The following VSIG10L2 variants were observed in gnomAD, a reference collection of about 807,000 sequenced individuals.
VSIG10L2 encodes the protein V-set and immunoglobulin domain containing 10 like 2.
In VSIG10L2, 56 loss-of-function variants were observed where a neutral mutation model predicts 67.1. The ratio of observed to expected loss-of-function variants is 0.83; its 90% confidence interval spans 0.67 to 1.04. The LOEUF (loss-of-function observed/expected upper bound fraction) is 1.04, where lower values mean the gene tolerates loss of function less well. Ranked by LOEUF, VSIG10L2 falls within the 50% of genes least tolerant of loss-of-function variation. VSIG10L2 has a pLI of 0.00. For synonymous variants in VSIG10L2, 360 were observed against 396.6 expected (o/e 0.91, Z 1.10); for missense variants, 843 against 932.8 (o/e 0.90, Z 1.25).
chr11:125,950,018 T>C lies in VSIG10L2; in HGVS notation c.714T>C (p.Gly238=). 1 of 1,232,336 alleles carries C rather than the reference T, an allele frequency of 8.1e-7. No homozygotes were observed. The highest frequency in any genetic ancestry group is 1.0e-6 in the Non-Finnish European group (1 of 988,122). 76.3% of individuals were successfully genotyped at this position (1,232,336 alleles called of 1,614,324 possible). Residue 238 remains glycine, a synonymous_variant, in exon 4 of 12, where the codon GGT becomes GGC. Coordinates refer to ENST00000686984, the MANE Select transcript of VSIG10L2 (RefSeq NM_001365077.2). ...CTGGCCTTCCTTGCTCTCCAGATGGTCCTGACAAGCCTGTGATCACCATGG... is the reference window on the plus strand; with the variant it reads ...CTGGCCTTCCTTGCTCTCCAGATGGCCCTGACAAGCCTGTGATCACCATGG... ...SDGAFLDVIY[G]PDKPVITMEP... is the part of the protein sequence containing the mutation.
In VSIG10L2 at chr11:125,951,970, C is replaced by G; in HGVS notation, c.1392C>G (p.Ala464=). 1 of 1,536,104 alleles carries G rather than the reference C, an allele frequency of 6.5e-7. No homozygotes were observed. Among genetic ancestry groups the G allele is most frequent in the Non-Finnish European group, 8.7e-7 (1 of 1,146,884 alleles). The change falls in exon 6 of 12, where the codon GCC becomes GCG. Residue 464 remains alanine (A), a synonymous_variant. Coordinates refer to ENST00000686984, the MANE Select transcript of VSIG10L2 (RefSeq NM_001365077.2). ...TGGGCGGCAGCAGCTCCTCGATGGC[C>G]GTTCACCTCCTGCAGGCCCAAGAAG... ...QPLGGSSSSM[A]VHLLQAQEDL...
chr11:125,954,524 C>T (rs1945424446), intron 8 of VSIG10L2, 141 bp downstream of exon 8: 2 of 637,716 alleles, frequency 3.1e-6, no homozygotes, highest in Admixed American at 8.7e-5. Flanking sequence ...CCGTCCTCCT[C>T]TCTCTCCACT....
chr11:125,946,129 G>A lies in VSIG10L2; in HGVS notation c.74G>A (p.Arg25Lys), dbSNP rs186636428. 1.5e-3 allele frequency: 580 copies of A among 399,020 alleles called. 2 individuals are homozygous for A. The highest frequency in any genetic ancestry group is 2.1e-3 in the Non-Finnish European group (472 of 226,088). The allele number at this position is 399,020 out of a possible 1,614,324, so 24.7% of individuals were successfully genotyped here. Residue 25 changes from arginine to lysine, a missense_variant, in exon 1 of 12, where the codon AGG (arginine) becomes AAG (lysine). Arg to Lys is a conservative substitution (Grantham distance 26, BLOSUM62 2). Transcript: ENST00000686984. This position sits in a 1 kb window ranked among gnomAD's most constrained non-coding sequence, Gnocchi z 4.4. ...ATACACCTCTGCCTTCTGCACCTGA[G>A]GGCCTCAGGTGAGTGATACTCAGAC... The part of the protein sequence containing the change: ...LLIHLCLLHL[R>K]ASGQPHPTPE...
chr11:125,946,577 A>G lies in VSIG10L2; in HGVS notation c.82+440A>G, dbSNP rs1161340317. ...TTTTTTGAGATGGAGTCTTGCTGTC[A>G]CCCAGGCTGGAGTGCAGTGGTGTGA... On this transcript the variant is annotated intron_variant, in intron 1 of 11. Coordinates refer to ENST00000686984, the MANE Select transcript of VSIG10L2 (RefSeq NM_001365077.2). The surrounding 1 kb of genome is among the most constrained non-coding windows in gnomAD (Gnocchi z 4.4). Among the ~76,000 whole-genome samples, 1 of 146,786 alleles carries G rather than the reference A, an allele frequency of 6.8e-6. No individual in the cohort carries two copies. Among genetic ancestry groups the G allele is most frequent in the East Asian group, 2.0e-4 (1 of 5,040 alleles).
Position 125,946,150 on chromosome 11 carries a change from C to T in VSIG10L2, c.82+13C>T, listed in dbSNP as rs1945301283. On this transcript the variant is annotated intron_variant, in intron 1 of 11. Transcript: ENST00000686984. This position sits in a 1 kb window ranked among gnomAD's most constrained non-coding sequence, Gnocchi z 4.4. ...CTGAGGGCCTCAGGTGAGTGATACT[C>T]AGACCCCCCAGGGGGTTCATTTCCC... The T allele has an allele frequency of 2.5e-6, 1 of 399,016 alleles. No homozygotes were observed. Among genetic ancestry groups the T allele is most frequent in the Non-Finnish European group, 4.4e-6 (1 of 226,098 alleles). 24.7% of individuals were successfully genotyped at this position (399,016 alleles called of 1,614,324 possible).
In VSIG10L2 at chr11:125,953,293, A is replaced by G. The variant is rs929643211; in HGVS notation, c.1496-107A>G. On this transcript the variant is annotated intron_variant, in intron 6 of 11. Transcript: ENST00000686984. Reference sequence around the variant, plus strand: ...TGGCCCCAGACAAGCCTCATTGTCAACTCCGCAGCTCTCCCGCTCCATCTC... The same window carrying G: ...TGGCCCCAGACAAGCCTCATTGTCAGCTCCGCAGCTCTCCCGCTCCATCTC... 5.1e-6 allele frequency: 5 copies of G among 986,470 alleles called. No individual in the cohort carries two copies. The African/African-American group carries it at 6.7e-5, about 13-fold the overall frequency. The allele number at this position is 986,470 out of a possible 1,614,324, so 61.1% of individuals were successfully genotyped here.
intron 3 of VSIG10L2, among the ~76,000 whole-genome samples, 153 bp downstream of exon 3, chr11:125,948,733 G>A (rs752307338): frequency 1.3e-5 from 2 of 152,274 alleles, no homozygotes; most frequent in Admixed American, 6.5e-5. Flanking sequence ...ACGGGGTGCC[G>A]TGCCCCTGCT....
In VSIG10L2 at chr11:125,948,439, C is replaced by G. The variant is rs1046332895; in HGVS notation, c.568C>G (p.Leu190Val). ...CTGGCAGCATCGGGCACCCCGAGGC[C>G]TTGGAGAGGCCCTGGTGGGGGTCAC... ...FAWQHRAPRG[L>V]GEALVGVTEP... Residue 190 changes from leucine (L) to valine (V), a missense_variant, in exon 3 of 12, where the codon CTT becomes GTT. By Grantham distance (32) the Leu-to-Val change is conservative. This residue lies in a region of VSIG10L2 where 446 missense variants were observed against 548.4 expected (regional missense o/e 0.81). Coordinates refer to ENST00000686984, the MANE Select transcript of VSIG10L2 (RefSeq NM_001365077.2). The G allele has an allele frequency of 8.1e-7, 1 of 1,232,434 alleles. No homozygotes were observed. The allele number at this position is 1,232,434 out of a possible 1,614,324, so 76.3% of individuals were successfully genotyped here.
chr11:125,955,179 C>G lies in VSIG10L2; in HGVS notation c.2206C>G (p.Arg736Gly). ...TGCCCGGCACCCAGAGACTTTCCCC[C>G]GTGAGTGGGAATCGGAAGGGACGGG... ...YAARHPETFPRLGQLLVPTEQ... is the reference protein window; with the variant it reads ...YAARHPETFPGLGQLLVPTEQ... The change falls in exon 9 of 12, where the codon CGC becomes GGC. Residue 736 changes from arginine to glycine, a missense_variant and splice_region_variant. Coordinates refer to ENST00000686984, the MANE Select transcript of VSIG10L2 (RefSeq NM_001365077.2). 2 of 1,249,270 alleles carry G rather than the reference C, an allele frequency of 1.6e-6. No homozygotes were observed. Among genetic ancestry groups the G allele is most frequent in the African/African-American group, 1.5e-5 (1 of 64,856 alleles). 77.4% of individuals were successfully genotyped at this position (1,249,270 alleles called of 1,614,324 possible).
chr11:125,951,903 C>A lies in VSIG10L2; in HGVS notation c.1325C>A (p.Pro442His), dbSNP rs1256115669. 1.3e-5 allele frequency: 20 copies of A among 1,535,592 alleles called. No individual in the cohort carries two copies. In the East Asian group the frequency reaches 2.7e-4, roughly 21 times the overall value. Reference sequence around the variant, plus strand: ...AGCTGCGAGTGGCCTGGCGGCGAGCCCCCTGCCACGCTGGGCTGGCTTGAC... The same window carrying A: ...AGCTGCGAGTGGCCTGGCGGCGAGCACCCTGCCACGCTGGGCTGGCTTGAC... ...MLSCEWPGGE[P>H]PATLGWLDEQ... The change falls in exon 6 of 12, where the codon CCC becomes CAC. Residue 442 changes from proline to histidine, a missense_variant. Pro to His is a moderately conservative substitution (Grantham distance 77). Transcript: ENST00000686984.
intron 2 of VSIG10L2, 66 bp downstream of exon 2, chr11:125,948,102 C>A (rs1945320130): frequency 8.1e-7 from 1 of 1,232,122 alleles, no homozygotes. Context: ...AAGTGTGCTG[C>A]CCATTCCCTT....
intron 9 of VSIG10L2, 25 bp downstream of exon 9, chr11:125,955,204 G>A: frequency 2.4e-6 from 3 of 1,256,172 alleles, no homozygotes; most frequent in Non-Finnish European, 2.0e-6. Context: ...GAAGGGACGG[G>A]CTGCTTGACC....
At chr11:125,950,779 T>C in intron 4 of VSIG10L2, 131 bp from the exon 5 acceptor site, 2 of 864,764 alleles carry the variant, frequency 2.3e-6, no homozygotes, top group Non-Finnish European at 3.1e-6. Flanking sequence ...ACTCAATCTT[T>C]CCCCTAACCC....
rs1039305670 is a variant in VSIG10L2 at position 125,953,477 on chromosome 11, C to T, written c.1573C>T (p.Arg525Cys). 12 of 1,232,184 alleles carry T rather than the reference C, an allele frequency of 9.7e-6. No homozygotes were observed. The highest frequency in any genetic ancestry group is 6.3e-5 in the East Asian group (2 of 31,698). 76.3% of individuals were successfully genotyped at this position (1,232,184 alleles called of 1,614,324 possible). ...GGEAWLECSL[R>C]GGTPPAQLLW... is the part of the protein sequence containing the mutation. ...AGAGGCCTGGCTGGAGTGCTCTCTC[C>T]GCGGGGGCACACCACCTGCCCAGCT... The change falls in exon 7 of 12, where the codon CGC becomes TGC. Residue 525 changes from arginine (R) to cysteine (C), a missense_variant. This residue lies in a region of VSIG10L2 where 397 missense variants were observed against 384.4 expected (regional missense o/e 1.03). Transcript: ENST00000686984.
Position 125,951,177 on chromosome 11 carries a change from C to A in VSIG10L2, c.1234+19C>A. The A allele has an allele frequency of 4.9e-6, 6 of 1,232,764 alleles. No individual in the cohort carries two copies. Among genetic ancestry groups the A allele is most frequent in the Non-Finnish European group, 2.0e-6 (2 of 988,440 alleles). 76.4% of individuals were successfully genotyped at this position (1,232,764 alleles called of 1,614,324 possible). A position where few individuals can be genotyped will look rare whatever the true frequency, so the allele number is the denominator to read the frequency against. ...ATGCTCTGTGAGTGGACACAGGAAA[C>A]CCCAGGGCTCTGACATTCCAGGCAG... On this transcript the variant is annotated intron_variant, in intron 5 of 11. Transcript: ENST00000686984.
At position 125,953,635 on chromosome 11, in the gene VSIG10L2, C is replaced by G. The variant is rs1322217900; in HGVS notation, c.1731C>G (p.Cys577Trp). ...CACACCACAGGGGCACCTACCAATG[C>G]GTGGCCCGCAACGCCGTGGGCAATA... ...DPAHHRGTYQCVARNAVGNSS... is the reference protein window; with the variant it reads ...DPAHHRGTYQWVARNAVGNSS... The change falls in exon 7 of 12, where the codon TGC (cysteine) becomes TGG (tryptophan). Residue 577 changes from cysteine (C) to tryptophan (W), a missense_variant. By Grantham distance (215) the Cys-to-Trp change is radical. Around this residue, in one of 2 missense-constraint regions of VSIG10L2, gnomAD observed 397 missense variants for 384.4 expected, o/e 1.03. Coordinates refer to ENST00000686984, the MANE Select transcript of VSIG10L2 (RefSeq NM_001365077.2). The G allele has an allele frequency of 1.6e-6, 2 of 1,232,160 alleles. No individual in the cohort carries two copies. The highest frequency in any genetic ancestry group is 6.3e-5 in the East Asian group (2 of 31,712). The allele number at this position is 1,232,160 out of a possible 1,614,324, so 76.3% of individuals were successfully genotyped here. A position where few individuals can be genotyped will look rare whatever the true frequency, so the allele number is the denominator to read the frequency against.
At position 125,954,130 on chromosome 11, in the gene VSIG10L2, C is replaced by T. The variant is rs1017218902; in HGVS notation, c.1830C>T (p.Tyr610=). 2.4e-5 allele frequency: 29 copies of T among 1,232,186 alleles called. No individual in the cohort carries two copies. The highest frequency in any genetic ancestry group is 7.8e-5 in the African/African-American group (5 of 64,416). 76.3% of individuals were successfully genotyped at this position (1,232,186 alleles called of 1,614,324 possible). A position where few individuals can be genotyped will look rare whatever the true frequency, so the allele number is the denominator to read the frequency against. Residue 610 remains tyrosine, a synonymous_variant, in exon 8 of 12, where the codon TAC becomes TAT. Coordinates refer to ENST00000686984, the MANE Select transcript of VSIG10L2 (RefSeq NM_001365077.2). ...PPNVTISRLT[Y]GRHRREVQLQ... The stretch of plus-strand genomic sequence containing the variant: ...ATGTCACCATCAGCCGCCTGACCTA[C>T]GGGAGGCACCGGAGAGAGGTGCAGC...
At chr11:125,947,475 C>A (rs917603975) in intron 1 of VSIG10L2, 10 of 985,324 alleles carry the variant, frequency 1.0e-5, no homozygotes, top group African/African-American at 3.5e-5. Flanking sequence ...CAGTCAACCC[C>A]TCCTTCAGTG....
intron 7 of VSIG10L2, among the ~76,000 whole-genome samples, 151 bp downstream of exon 7, chr11:125,953,841 G>A (rs1945412141): frequency 6.6e-6 from 1 of 152,220 alleles, no homozygotes. Flanking sequence ...TCAAGAGATA[G>A]ATGGGCAACA....
Sources: allele counts gnomAD v4.1 joint callset (sites outside exome capture counted in the v4.1 genomes callset), GRCh38; gene constraint gnomAD v4.1.1; regional missense constraint gnomAD v4.1.1; non-coding constraint Gnocchi (gnomAD v3.1); transcripts MANE v1.5; gene names NCBI Gene and HGNC (gene_info 2026-07-23, HGNC 2026-07-21).